The following KCMF1 variants were observed in gnomAD, a reference collection of about 807,000 sequenced individuals.
KCMF1 encodes potassium channel modulatory factor 1, also known as E3 ubiquitin-protein ligase KCMF1.
Under a neutral mutation model 41.1 loss-of-function variants are expected in KCMF1, and 3 were observed. The observed-to-expected ratio is 0.07, with a 90% CI of 0.03 to 0.19. KCMF1 has a LOEUF of 0.19. Among genes scored for constraint, KCMF1 ranks in the 10% least tolerant of loss-of-function variants. The probability of loss-of-function intolerance (pLI) is 1.00; values close to 1 mark genes in which losing one functional copy is unlikely to be tolerated. For synonymous variants in KCMF1, 142 were observed against 164.5 expected, an observed-to-expected ratio of 0.86 and a Z score of 1.04; for missense variants, 286 against 488.9, an observed-to-expected ratio of 0.58 and a Z score of 3.91.
At chr2:85,001,074 G>T (rs1350365216) in intron 1 of KCMF1, among the ~76,000 whole-genome samples, 1 of 150,562 alleles carries the variant, frequency 6.6e-6, no homozygotes, top group Non-Finnish European at 1.5e-5. Flanking sequence ...TGATCTTCCT[G>T]CTCCACTTCC....
At chr2:85,003,173 T>G (rs2103992134) in intron 1 of KCMF1, among the ~76,000 whole-genome samples, 1 of 152,338 alleles carries the variant, frequency 6.6e-6, no homozygotes, top group African/African-American at 2.4e-5. Context: ...TACGAAGTCC[T>G]TTTAAAATTC....
chr2:85,026,065 A>G (rs1235064259), intron 1 of KCMF1, among the ~76,000 whole-genome samples: 1 of 151,950 alleles, frequency 6.6e-6, no homozygotes, highest in Non-Finnish European at 1.5e-5. Flanking sequence ...ATCTCGGCTC[A>G]CTGCAACCTC....
At chr2:85,001,131 T>G (rs1381782019) in intron 1 of KCMF1, among the ~76,000 whole-genome samples, 1 of 151,084 alleles carries the variant, frequency 6.6e-6, no homozygotes, top group Non-Finnish European at 1.5e-5. Flanking sequence ...CAGCCTTATA[T>G]AATTTTATTT....
At chr2:84,989,230 TAAG>T (rs1553521486) in intron 1 of KCMF1, among the ~76,000 whole-genome samples, 1 of 152,078 alleles carries the variant, frequency 6.6e-6, no homozygotes, top group Non-Finnish European at 1.5e-5. Flanking sequence ...TACAGTGTAG[TAAG>T]AACTGTAATA....
At chr2:85,031,049 A>G (rs1675254330) in intron 2 of KCMF1, among the ~76,000 whole-genome samples, 1 of 152,166 alleles carries the variant, frequency 6.6e-6, no homozygotes, top group Admixed American at 6.5e-5. Flanking sequence ...CTGTAGCTTC[A>G]TAGTAAGCTT....
In KCMF1 at chr2:85,040,943, G is replaced by C. The variant is rs549249208; in HGVS notation, c.325-2621G>C. 1.3e-3 allele frequency among the ~76,000 whole-genome samples: 190 copies of C among 151,984 alleles called. 2 individuals are homozygous for C. Among genetic ancestry groups the C allele is most frequent in the Middle Eastern group, 6.8e-3 (2 of 294 alleles). On this transcript the variant is annotated intron_variant, in intron 3 of 6. Coordinates refer to ENST00000409785, the MANE Select transcript of KCMF1 (RefSeq NM_020122.5). Reference sequence around the variant, plus strand: ...GCCCAGGTCATTTTTGTATTTTTTAGTAGAGATGGGGTTTCACCATGTTGG... The same window carrying C: ...GCCCAGGTCATTTTTGTATTTTTTACTAGAGATGGGGTTTCACCATGTTGG...
At position 84,974,958 on chromosome 2, in the gene KCMF1, C is replaced by T. The variant is rs554512313; in HGVS notation, c.16+3491C>T. Among the ~76,000 whole-genome samples, 288 of 151,940 alleles carry T rather than the reference C, an allele frequency of 1.9e-3. 1 individual carries two copies. The highest frequency in any genetic ancestry group is 3.4e-3 in the Middle Eastern group (1 of 294). ...TCCTGACCTCGTGATCCGCCGGCCTCGGCCTCCCAAAGTGGTGGGATTACA... is the reference window on the plus strand; with the variant it reads ...TCCTGACCTCGTGATCCGCCGGCCTTGGCCTCCCAAAGTGGTGGGATTACA... On this transcript the variant is annotated intron_variant, in intron 1 of 6. Transcript: ENST00000409785.
chr2:85,037,730 C>T (rs981021424), intron 3 of KCMF1, among the ~76,000 whole-genome samples: 15 of 152,200 alleles, frequency 9.9e-5, no homozygotes, highest in Admixed American at 8.5e-4. Flanking sequence ...TGCTATCTTG[C>T]TTTGCCCCAC....
At chr2:85,007,117 A>AG (rs1674491941) in intron 1 of KCMF1, among the ~76,000 whole-genome samples, 1 of 151,810 alleles carries the variant, frequency 6.6e-6, no homozygotes, top group African/African-American at 2.4e-5. Flanking sequence ...AAAAAAAAAA[A>AG]AAAAAGAAAT....
At position 85,028,308 on chromosome 2, in the gene KCMF1, G is replaced by A. The variant is rs181738566; in HGVS notation, c.184+252G>A. Among the ~76,000 whole-genome samples, 476 of 150,718 alleles carry A rather than the reference G, an allele frequency of 3.2e-3. 2 individuals carry two copies. Among genetic ancestry groups the A allele is most frequent in the African/African-American group, 0.01 (413 of 40,978 alleles). ...AGCAATTCCCCTGCCTCAGCCACCC[G>A]AGTAGCTGGGATTACAGGTGCACAC... On this transcript the variant is annotated intron_variant, in intron 2 of 6. Transcript: ENST00000409785.
chr2:85,043,449 T>C (rs1032065201), intron 3 of KCMF1, 115 bp from the exon 4 acceptor site: 24 of 694,082 alleles, frequency 3.5e-5, no homozygotes, highest in Middle Eastern at 2.9e-4. Flanking sequence ...TAGGATCTGC[T>C]GTGTTTTCTG....
chr2:84,976,192 CCTT>C (rs890753733), intron 1 of KCMF1, among the ~76,000 whole-genome samples: 9 of 151,106 alleles, frequency 6.0e-5, no homozygotes, highest in Non-Finnish European at 7.4e-5. Flanking sequence ...TTCTTGAGTG[CCTT>C]CTTAACTCCT....
At chr2:85,003,360 C>T (rs1347335341) in intron 1 of KCMF1, among the ~76,000 whole-genome samples, 1 of 152,040 alleles carries the variant, frequency 6.6e-6, no homozygotes, top group Non-Finnish European at 1.5e-5. Flanking sequence ...CACCTGTAGT[C>T]CTAGCTACTC....
At chr2:85,026,172 G>C (rs1247604188) in intron 1 of KCMF1, among the ~76,000 whole-genome samples, 1 of 151,946 alleles carries the variant, frequency 6.6e-6, no homozygotes, top group Non-Finnish European at 1.5e-5. Flanking sequence ...TGTATGTTTA[G>C]TAGAGATGGG....
intron 5 of KCMF1, among the ~76,000 whole-genome samples, chr2:85,047,937 G>A (rs184459851): frequency 6.6e-5 from 10 of 152,266 alleles, no homozygotes; most frequent in African/African-American, 2.4e-4. Context: ...ACACAAAGGA[G>A]GAGACAGCAG....
In KCMF1 at chr2:85,010,480, C is replaced by T. The variant is rs1401608222; in HGVS notation, c.17-17409C>T. Among the ~76,000 whole-genome samples the T allele has an allele frequency of 2.0e-5, 3 of 152,172 alleles. No homozygotes were observed. In the East Asian group the frequency reaches 5.8e-4, roughly 29 times the overall value. On this transcript the variant is annotated intron_variant, in intron 1 of 6. Transcript: ENST00000409785. The stretch of plus-strand genomic sequence containing the variant: ...TTGAGACTGTCTTCAATAAAAAAGA[C>T]TGTTCTAGACCTTATTTTCACAAAA...
chr2:85,022,886 CTTTTTTTTTTT>C (rs34732141), intron 1 of KCMF1, among the ~76,000 whole-genome samples: 1 of 111,768 alleles, frequency 8.9e-6, no homozygotes, highest in Non-Finnish European at 1.7e-5. Flanking sequence ...TGTATGTATT[CTTTTTTTTTTT>C]TTTTTTTTTG....
At chr2:85,010,936 C>G (rs1018611012) in intron 1 of KCMF1, among the ~76,000 whole-genome samples, 1 of 151,878 alleles carries the variant, frequency 6.6e-6, no homozygotes, top group Non-Finnish European at 1.5e-5. Flanking sequence ...CTCCACCTCC[C>G]GGGTTCAAGC....
intron 1 of KCMF1, among the ~76,000 whole-genome samples, chr2:85,014,749 T>G (rs796828476): frequency 1.2e-4 from 17 of 146,634 alleles, no homozygotes; most frequent in South Asian, 4.3e-4. Flanking sequence ...GTGTGTGTGT[T>G]TTTAAATAGA....
Sources: allele counts gnomAD v4.1 joint callset (sites outside exome capture counted in the v4.1 genomes callset), GRCh38; gene constraint gnomAD v4.1.1; transcripts MANE v1.5; gene names NCBI Gene and HGNC (gene_info 2026-07-23, HGNC 2026-07-21).